Variants in TRAK1 observed in about 807,000 individuals in gnomAD.
The protein encoded by TRAK1 is trafficking kinesin protein 1.
Under a neutral mutation model 92.1 loss-of-function variants are expected in TRAK1, and 33 were observed. That is an observed-to-expected ratio of 0.36 (90% CI 0.27 to 0.48). TRAK1 has a LOEUF of 0.48. TRAK1 is among the 20% of genes least tolerant of loss of function. The pLI, the probability that TRAK1 is intolerant of heterozygous loss-of-function variation, is 0.99. For synonymous variants in TRAK1, 521 were observed against 517.3 expected (o/e 1.01, Z -0.10); for missense variants, 1,123 against 1,257.9 (o/e 0.89, Z 1.62).
intron 2 of TRAK1, among the ~76,000 whole-genome samples, chr3:42,165,721 C>G (rs1441623133): frequency 1.3e-5 from 2 of 152,174 alleles, no homozygotes; most frequent in Non-Finnish European, 2.9e-5. Flanking sequence ...GAAGGAGGAA[C>G]TGACCTGGCG....
chr3:42,165,555 G>A (rs1378952235), intron 2 of TRAK1, among the ~76,000 whole-genome samples: 4 of 152,316 alleles, frequency 2.6e-5, no homozygotes, highest in Non-Finnish European at 5.9e-5. Context: ...GGAGTGCCGT[G>A]TCTTGGAGGT....
intron 14 of TRAK1, chr3:42,212,493 A>T (rs1313479378): frequency 1.4e-5 from 14 of 985,080 alleles, no homozygotes; most frequent in Non-Finnish European, 1.7e-5. Flanking sequence ...AATTTGATTA[A>T]TGTATTTAAA....
At chr3:42,176,577 C>A (rs931285328) in intron 2 of TRAK1, among the ~76,000 whole-genome samples, 2 of 152,180 alleles carry the variant, frequency 1.3e-5, no homozygotes, top group Non-Finnish European at 2.9e-5. Context: ...CACAGACACA[C>A]AATGTCAAGG....
At chr3:42,103,614 C>G (rs1389042764) in intron 1 of TRAK1, among the ~76,000 whole-genome samples, 1 of 152,132 alleles carries the variant, frequency 6.6e-6, no homozygotes, top group Non-Finnish European at 1.5e-5. Context: ...ACTTAACAGA[C>G]ATTTTATGGC....
chr3:42,191,835 T>C (rs1170546463), intron 7 of TRAK1, among the ~76,000 whole-genome samples, 199 bp downstream of exon 7: 1 of 151,790 alleles, frequency 6.6e-6, no homozygotes, highest in Non-Finnish European at 1.5e-5. Flanking sequence ...ATGTATTATC[T>C]CAGTTTATCA....
intron 1 of TRAK1, among the ~76,000 whole-genome samples, chr3:42,113,108 G>A (rs200923735): frequency 0.017 from 1 of 58 alleles, no homozygotes; most frequent in Non-Finnish European, 0.042. Context: ...AGGCCAGGGC[G>A]CTGTGCTTAT....
intron 2 of TRAK1, among the ~76,000 whole-genome samples, chr3:42,167,318 A>G (rs537255349): frequency 5.3e-5 from 8 of 152,304 alleles, no homozygotes; most frequent in African/African-American, 1.9e-4. Context: ...CAAAATGAGA[A>G]AGACTCAGCT....
chr3:42,055,641 T>G (rs2148919189), intron 1 of TRAK1, among the ~76,000 whole-genome samples: 1 of 152,356 alleles, frequency 6.6e-6, no homozygotes, highest in East Asian at 1.9e-4. Flanking sequence ...TTTTTAATTT[T>G]TTTGTAAAGA....
At chr3:42,175,451 C>T (rs1371631677) in intron 2 of TRAK1, among the ~76,000 whole-genome samples, 3 of 152,178 alleles carry the variant, frequency 2.0e-5, no homozygotes, top group Non-Finnish European at 4.4e-5. Context: ...TTGCTTCTCC[C>T]TCCCTGGCAG....
At chr3:42,021,093 T>A (rs966549813) in intron 1 of TRAK1, among the ~76,000 whole-genome samples, 1 of 152,142 alleles carries the variant, frequency 6.6e-6, no homozygotes. Context: ...ACCAAACCTA[T>A]GATTCAGGAA....
intron 1 of TRAK1, among the ~76,000 whole-genome samples, chr3:42,101,473 A>AG (rs1365514030): frequency 2.6e-5 from 4 of 152,212 alleles, no homozygotes; most frequent in Non-Finnish European, 5.9e-5. Context: ...TCGTGGTGCC[A>AG]GTCACCTCTG....
intron 1 of TRAK1, among the ~76,000 whole-genome samples, chr3:42,051,888 G>C (rs1331114367): frequency 6.6e-6 from 1 of 152,226 alleles, no homozygotes; most frequent in Non-Finnish European, 1.5e-5. Context: ...TGGCTATCCA[G>C]ATGTGTGTGG....
Position 42,202,822 on chromosome 3 carries a change from G to A in TRAK1, c.1744+70G>A, listed in dbSNP as rs780885235. The A allele has an allele frequency of 1.6e-5, 25 of 1,589,146 alleles. No individual in the cohort carries two copies. The highest frequency in any genetic ancestry group is 1.7e-4 in the Middle Eastern group (1 of 6,010). On this transcript the variant is annotated intron_variant, in intron 13 of 15. Transcript: ENST00000327628. This position sits in a 1 kb window ranked among gnomAD's most constrained non-coding sequence, Gnocchi z 6.1. ...TCCCTTTGGTCCCTGATCCACCTGC[G>A]GAAGGCGGGGCACCTCTGTCACGCC...
At chr3:42,112,188 C>T (rs1243983786) in intron 1 of TRAK1, among the ~76,000 whole-genome samples, 1 of 124,840 alleles carries the variant, frequency 8.0e-6, no homozygotes, top group African/African-American at 3.1e-5. Flanking sequence ...GTCGCCCAGG[C>T]TGGAGTGCAA....
chr3:42,137,649 A>G (rs1027265582), intron 2 of TRAK1, among the ~76,000 whole-genome samples: 1 of 152,162 alleles, frequency 6.6e-6, no homozygotes, highest in Non-Finnish European at 1.5e-5. Flanking sequence ...AACGTATGCT[A>G]TTTGTGGAGT....
intron 1 of TRAK1, among the ~76,000 whole-genome samples, chr3:42,103,625 T>C (rs1307481349): frequency 6.6e-6 from 1 of 152,180 alleles, no homozygotes; most frequent in Non-Finnish European, 1.5e-5. Context: ...ATTTTATGGC[T>C]GGGCTCGTGT....
intron 2 of TRAK1, among the ~76,000 whole-genome samples, chr3:42,151,146 G>A (rs764952207): frequency 2.9e-4 from 44 of 152,178 alleles, no homozygotes; most frequent in Admixed American, 3.3e-4. Flanking sequence ...AGTCAGGTGG[G>A]GCCATAGCTC....
intron 1 of TRAK1, among the ~76,000 whole-genome samples, chr3:42,123,457 C>T (rs1190379818): frequency 6.6e-6 from 1 of 152,226 alleles, no homozygotes; most frequent in African/African-American, 2.4e-5. Context: ...GGCCCTGGCC[C>T]TTCCTGCTTC....
chr3:42,104,411 G>A, intron 1 of TRAK1, among the ~76,000 whole-genome samples: 1 of 152,200 alleles, frequency 6.6e-6, no homozygotes, highest in Non-Finnish European at 1.5e-5. Flanking sequence ...GTGGGTCCCT[G>A]ACCACCGAGT....
Sources: gnomAD v4.1 joint callset for allele counts (sites outside exome capture counted in the v4.1 genomes callset) on GRCh38, gnomAD v4.1.1 for gene constraint, Gnocchi (gnomAD v3.1) non-coding constraint, MANE v1.5 for transcripts, NCBI Gene and HGNC (gene_info 2026-07-23, HGNC 2026-07-21) for gene names.